The following RNF170 variants were observed in gnomAD, a reference collection of about 807,000 sequenced individuals.
RNF170 encodes E3 ubiquitin-protein ligase RNF170.
Under a neutral mutation model 32.7 loss-of-function variants are expected in RNF170, and 12 were observed. The observed-to-expected ratio is 0.37, with a 90% CI of 0.24 to 0.60. The LOEUF (loss-of-function observed/expected upper bound fraction) is 0.60, where lower values mean the gene tolerates loss of function less well. Ranked by LOEUF, RNF170 falls within the 20% of genes least tolerant of loss-of-function variation. The pLI is 0.72. For missense variants in RNF170, 212 were observed against 311.2 expected (o/e 0.68, Z 2.40); for synonymous variants, 91 against 103.6 (o/e 0.88, Z 0.74).
chr8:42,874,029 T>G (rs1389228613), intron 2 of RNF170, 23 bp from the exon 3 acceptor site: 3 of 1,386,246 alleles, frequency 2.2e-6, no homozygotes, highest in Non-Finnish European at 3.1e-6. Context: ...ATATAATAAA[T>G]TTTGAATAGA....
rs151183715 is a variant in RNF170 at position 42,857,814 on chromosome 8, G to T, written c.508-1386C>A. Reference sequence around the variant, plus strand: ...TTTGGGAGGCCAAGGTGAGCAGATCGCTTGAAGCCAAGAGTTTTGAGATCA... The same window carrying T: ...TTTGGGAGGCCAAGGTGAGCAGATCTCTTGAAGCCAAGAGTTTTGAGATCA... On this transcript the variant is annotated intron_variant, in intron 6 of 6. Transcript: ENST00000527424. Among the ~76,000 whole-genome samples, 303 of 152,240 alleles carry T rather than the reference G, an allele frequency of 2.0e-3. 1 individual carries two copies. Among genetic ancestry groups the T allele is most frequent in the African/African-American group, 6.7e-3 (280 of 41,552 alleles).
chr8:42,896,451 A>G (rs1486715195), intron 1 of RNF170, 33 bp downstream of exon 1: 1 of 453,304 alleles, frequency 2.2e-6, no homozygotes, highest in South Asian at 1.6e-5. Context: ...GGGCCCCGAT[A>G]GGGTGGGCGT....
At chr8:42,897,148 C>T, upstream of RNF170, 1 of 1,248,734 alleles carries the variant, frequency 8.0e-7, no homozygotes. Context: ...AGCGTAGAGT[C>T]GCTGGAGCGG....
At chr8:42,858,147 G>A (rs977146869) in intron 6 of RNF170, among the ~76,000 whole-genome samples, 3 of 152,128 alleles carry the variant, frequency 2.0e-5, no homozygotes, top group Non-Finnish European at 4.4e-5. Flanking sequence ...TGATGTCACC[G>A]GAGGATATGT....
At chr8:42,864,404 A>G (rs1040746661) in intron 5 of RNF170, among the ~76,000 whole-genome samples, 4 of 152,218 alleles carry the variant, frequency 2.6e-5, no homozygotes, top group African/African-American at 9.6e-5. Context: ...CCCACCCTGT[A>G]TTTTTATTTT....
At chr8:42,851,132 T>A, downstream of RNF170, 1 of 1,288,486 alleles carries the variant, frequency 7.8e-7, no homozygotes, top group Non-Finnish European at 1.0e-6. Flanking sequence ...CCCTGGGCTC[T>A]ACCACCACAG....
Position 42,861,816 on chromosome 8 carries a change from ACT to A in RNF170, c.434_435del (p.Gln145LeufsTer12), listed in dbSNP as rs1215493292. 3.1e-6 allele frequency: 5 copies of A among 1,613,930 alleles called. No individual in the cohort carries two copies. In the Admixed American group the frequency reaches 8.3e-5, roughly 27 times the overall value. On this transcript the variant is annotated frameshift_variant, in exon 6 of 7. Coordinates refer to ENST00000527424, the MANE Select transcript of RNF170 (RefSeq NM_030954.4). LOFTEE classifies it high-confidence loss of function. ...LLLTVFGEDD[Q>X]SQDVLRLHQD... ...TGATGCAATCTCAGAACATCCTGAG[ACT>A]GATCATCTTCACCAAATACTGTTAG... is the stretch of plus-strand genomic sequence containing the variant.
At chr8:42,852,592 A>G (rs1452593011), downstream of RNF170, among the ~76,000 whole-genome samples, 2 of 151,616 alleles carry the variant, frequency 1.3e-5, no homozygotes, top group Non-Finnish European at 2.9e-5. Context: ...TAATTTTTGT[A>G]TTTTAGTAGA....
intron 1 of RNF170, among the ~76,000 whole-genome samples, chr8:42,892,143 T>C (rs1242964084): frequency 1.3e-5 from 2 of 152,158 alleles, no homozygotes; most frequent in Non-Finnish European, 2.9e-5. Context: ...ACAAATTTCC[T>C]TCTTGAAAAA....
At chr8:42,879,909 A>G (rs1476615358) in intron 2 of RNF170, among the ~76,000 whole-genome samples, 1 of 152,146 alleles carries the variant, frequency 6.6e-6, no homozygotes, top group Admixed American at 6.5e-5. Flanking sequence ...TCCTGGCCTC[A>G]AGTGATCTGC....
At chr8:42,861,981 G>A in intron 5 of RNF170, 126 bp from the exon 6 acceptor site, 2 of 999,808 alleles carry the variant, frequency 2.0e-6, no homozygotes, top group South Asian at 1.9e-5. Flanking sequence ...TTAAATAAAG[G>A]CAACCTGGGG....
chr8:42,897,006 C>T (rs1806990466), upstream of RNF170: 3 of 609,288 alleles, frequency 4.9e-6, no homozygotes, highest in Non-Finnish European at 7.2e-6. Context: ...GGGCGAGAGT[C>T]GGCGGCCGGA....
chr8:42,877,544 T>C (rs959019720), intron 2 of RNF170, among the ~76,000 whole-genome samples: 2 of 152,124 alleles, frequency 1.3e-5, no homozygotes, highest in Non-Finnish European at 2.9e-5. Flanking sequence ...TTGACAAGGG[T>C]GCCAAGACCA....
intron 2 of RNF170, among the ~76,000 whole-genome samples, chr8:42,882,113 A>G (rs939462415): frequency 1.3e-5 from 2 of 152,208 alleles, no homozygotes; most frequent in Non-Finnish European, 2.9e-5. Flanking sequence ...AGTGTTGGCA[A>G]GGAAGTAGAG....
rs952860309 is a variant in RNF170 at position 42,855,509 on chromosome 8, C to T, written c.*650G>A. The T allele has an allele frequency of 7.8e-7, 1 of 1,278,048 alleles. No homozygotes were observed. The highest frequency in any genetic ancestry group is 2.3e-5 in the Admixed American group (1 of 43,528). The allele number at this position is 1,278,048 out of a possible 1,614,324, so 79.2% of individuals were successfully genotyped here. A position where few individuals can be genotyped will look rare whatever the true frequency, so the allele number is the denominator to read the frequency against. On this transcript the variant is annotated 3_prime_UTR_variant, in exon 7 of 7. Coordinates refer to ENST00000527424, the MANE Select transcript of RNF170 (RefSeq NM_030954.4). ...TACAGGCGTGAGCCACCCCGCCCGG[C>T]CATGTTTTTCATCTTAATTCTTCTA...
intron 2 of RNF170, among the ~76,000 whole-genome samples, chr8:42,887,149 G>A (rs1022217082): frequency 7.2e-5 from 11 of 152,014 alleles, no homozygotes; most frequent in South Asian, 2.1e-4. Context: ...AAAATAAGCC[G>A]GGCATGGTGG....
At chr8:42,875,864 C>T (rs1481422400) in intron 2 of RNF170, among the ~76,000 whole-genome samples, 1 of 152,166 alleles carries the variant, frequency 6.6e-6, no homozygotes, top group Admixed American at 6.5e-5. Context: ...CGTGAGCCAC[C>T]GCACCCGGCC....
chr8:42,885,537 G>A (rs957232611), intron 2 of RNF170, among the ~76,000 whole-genome samples: 2 of 152,144 alleles, frequency 1.3e-5, no homozygotes, highest in African/African-American at 4.8e-5. Flanking sequence ...GTGCACCACA[G>A]TTCCCTTTGC....
chr8:42,889,602 T>A (rs1008019049), intron 1 of RNF170, among the ~76,000 whole-genome samples: 2 of 152,152 alleles, frequency 1.3e-5, no homozygotes, highest in African/African-American at 4.8e-5. Context: ...AAATTACCAC[T>A]CATGGAAGAA....
Sources: gnomAD v4.1 joint callset for allele counts (sites outside exome capture counted in the v4.1 genomes callset) on GRCh38, gnomAD v4.1.1 for gene constraint, MANE v1.5 for transcripts, NCBI Gene and HGNC (gene_info 2026-07-23, HGNC 2026-07-21) for gene names.